PHACTR4: variants seen among roughly 807,000 people sequenced by gnomAD.
PHACTR4 encodes protein phosphatase 1, regulatory subunit 124.
In PHACTR4, 51 loss-of-function variants were observed where a neutral mutation model predicts 72.7. That is an observed-to-expected ratio of 0.70 (90% CI 0.56 to 0.89). The LOEUF is 0.89. Ranked by LOEUF, PHACTR4 falls within the 40% of genes least tolerant of loss-of-function variation. PHACTR4 has a pLI of 0.00. For synonymous variants in PHACTR4, 255 were observed against 302.5 expected (o/e 0.84, Z 1.63); for missense variants, 731 against 861.8 (o/e 0.85, Z 1.90).
intron 2 of PHACTR4, among the ~76,000 whole-genome samples, chr1:28,418,031 G>A (rs2124327593): frequency 6.6e-6 from 1 of 152,176 alleles, no homozygotes; most frequent in Non-Finnish European, 1.5e-5. Context: ...CCAGCTATTT[G>A]GGAGGCTCAG....
chr1:28,423,812 A>C (rs898202074), intron 2 of PHACTR4, among the ~76,000 whole-genome samples: 25 of 152,232 alleles, frequency 1.6e-4, no homozygotes, highest in Non-Finnish European at 3.7e-4. Context: ...AATATTTAGA[A>C]TAATCGTTGG....
At chr1:28,456,317 A>G (rs1046828400) in intron 2 of PHACTR4, among the ~76,000 whole-genome samples, 1 of 152,180 alleles carries the variant, frequency 6.6e-6, no homozygotes, top group African/African-American at 2.4e-5. Context: ...AAACGACCAG[A>G]TCTCACGAGA....
intron 2 of PHACTR4, among the ~76,000 whole-genome samples, chr1:28,456,077 A>G (rs1570011327): frequency 6.6e-6 from 1 of 151,886 alleles, no homozygotes; most frequent in Non-Finnish European, 1.5e-5. Context: ...CCATTCTTGC[A>G]TTGCTATAAA....
chr1:28,404,726 A>G (rs1305526654), intron 1 of PHACTR4, among the ~76,000 whole-genome samples: 1 of 152,156 alleles, frequency 6.6e-6, no homozygotes, highest in African/African-American at 2.4e-5. Context: ...TTGAGGCCCC[A>G]GTTTCTCTGC....
At chr1:28,471,436 G>A (rs74064857) in intron 6 of PHACTR4, among the ~76,000 whole-genome samples, 15,802 of 151,940 alleles carry the variant, frequency 0.1, 1,891 homozygotes, top group African/African-American at 0.3. Context: ...TTTAAGGGAA[G>A]TTTTTGAGAG....
chr1:28,458,907 T>A (rs1570020612), intron 2 of PHACTR4, among the ~76,000 whole-genome samples, 178 bp from the exon 3 acceptor site: 1 of 152,208 alleles, frequency 6.6e-6, no homozygotes, highest in East Asian at 1.9e-4. Context: ...AGTTTATCTG[T>A]TAATGGATTT....
chr1:28,387,624 A>C (rs1214393345), intron 1 of PHACTR4, among the ~76,000 whole-genome samples: 2 of 151,826 alleles, frequency 1.3e-5, no homozygotes, highest in Non-Finnish European at 2.9e-5. Flanking sequence ...GGTGGCTCAT[A>C]CCTGTAATCC....
intron 1 of PHACTR4, among the ~76,000 whole-genome samples, chr1:28,404,020 G>A (rs1373075031): frequency 6.6e-6 from 1 of 152,150 alleles, no homozygotes; most frequent in African/African-American, 2.4e-5. Context: ...ATGCTGCTAT[G>A]AACATTTGTA....
chr1:28,480,263 T>A (rs1379745325), intron 8 of PHACTR4, among the ~76,000 whole-genome samples, 188 bp from the exon 9 acceptor site: 1 of 152,226 alleles, frequency 6.6e-6, no homozygotes, highest in Non-Finnish European at 1.5e-5. Flanking sequence ...TTAGTCCACC[T>A]GGCTAAAAAG....
At chr1:28,468,420 A>G (rs1041746633) in intron 6 of PHACTR4, among the ~76,000 whole-genome samples, 5 of 152,056 alleles carry the variant, frequency 3.3e-5, no homozygotes, top group African/African-American at 4.8e-5. Flanking sequence ...GTGAAACGCC[A>G]TCTCTACTAA....
rs879893789 is a variant in PHACTR4, at chr1:28,395,966, C to CT, written c.-38-11432dup. 1.4e-3 allele frequency among the ~76,000 whole-genome samples: 190 copies of CT among 138,086 alleles called. 1 individual carries two copies. Among genetic ancestry groups the CT allele is most frequent in the South Asian group, 0.011 (47 of 4,432 alleles). The allele number at this position is 138,086 out of a possible 152,430, so 90.6% of individuals were successfully genotyped here. A position where few individuals can be genotyped will look rare whatever the true frequency, so the allele number is the denominator to read the frequency against. On this transcript the variant is annotated intron_variant, in intron 1 of 13. Coordinates refer to ENST00000373839, the MANE Select transcript of PHACTR4 (RefSeq NM_001048183.3). ...GGCGTGAGCCACCACGCCCGGCCAA[C>CT]TTTTTTTTTTTTGAACAGGCTTTTC...
intron 2 of PHACTR4, among the ~76,000 whole-genome samples, chr1:28,448,804 A>G (rs1657709656): frequency 7.1e-6 from 1 of 141,290 alleles, no homozygotes. Context: ...GGTGTAAAAC[A>G]TACAGAGAGT....
At chr1:28,412,034 G>A (rs890267999) in intron 2 of PHACTR4, among the ~76,000 whole-genome samples, 1 of 152,150 alleles carries the variant, frequency 6.6e-6, no homozygotes, top group Non-Finnish European at 1.5e-5. Flanking sequence ...TACCTGGACA[G>A]ATGCTTACAC....
chr1:28,447,087 T>C (rs1657533312), intron 2 of PHACTR4, among the ~76,000 whole-genome samples: 1 of 152,094 alleles, frequency 6.6e-6, no homozygotes, highest in African/African-American at 2.4e-5. Context: ...CTCAGCTCAC[T>C]GCAACCTCTA....
intron 2 of PHACTR4, among the ~76,000 whole-genome samples, chr1:28,432,637 T>A (rs1469422678): frequency 4.6e-5 from 7 of 150,914 alleles, no homozygotes; most frequent in Non-Finnish European, 7.4e-5. Flanking sequence ...ACTCTGTCTG[T>A]AAAAAAAAAT....
At position 28,490,120 on chromosome 1, in the gene PHACTR4, T is replaced by C. The variant is rs114364780; in HGVS notation, c.1817-831T>C. ...GTCCTTACAAAACCATTTAAAAATGTGAAGACTATTCTTAGTTCATGGGCA... is the reference window on the plus strand; with the variant it reads ...GTCCTTACAAAACCATTTAAAAATGCGAAGACTATTCTTAGTTCATGGGCA... On this transcript the variant is annotated intron_variant, in intron 10 of 13. Transcript: ENST00000373839. Among the ~76,000 whole-genome samples, 1,457 of 152,338 alleles carry C rather than the reference T, an allele frequency of 9.6e-3. 25 individuals are homozygous for C. The highest frequency in any genetic ancestry group is 0.033 in the African/African-American group (1,392 of 41,580).
chr1:28,433,890 C>G (rs1656457595), intron 2 of PHACTR4, among the ~76,000 whole-genome samples: 2 of 152,168 alleles, frequency 1.3e-5, no homozygotes, highest in South Asian at 4.1e-4. Flanking sequence ...AAGCCATTCT[C>G]CTGCCTCAGC....
At chr1:28,490,691 CA>C (rs1557851846) in intron 10 of PHACTR4, among the ~76,000 whole-genome samples, 1 of 150,798 alleles carries the variant, frequency 6.6e-6, no homozygotes, top group Non-Finnish European at 1.5e-5. Flanking sequence ...ACTAAAAATA[CA>C]AAAATCAGCT....
intron 2 of PHACTR4, among the ~76,000 whole-genome samples, chr1:28,446,585 C>T (rs560072534): frequency 1.3e-5 from 2 of 152,102 alleles, no homozygotes; most frequent in Non-Finnish European, 2.9e-5. Flanking sequence ...TCAAGACCAG[C>T]CTGGCCAACA....
Sources: allele counts gnomAD v4.1 joint callset (sites outside exome capture counted in the v4.1 genomes callset), GRCh38; gene constraint gnomAD v4.1.1; transcripts MANE v1.5; gene names NCBI Gene and HGNC (gene_info 2026-07-23, HGNC 2026-07-21).